The following RPTOR variants were observed in gnomAD, a reference collection of about 807,000 sequenced individuals.
RPTOR encodes regulatory-associated protein of mTOR.
In RPTOR, 21 loss-of-function variants were observed where a neutral mutation model predicts 169.9. The ratio of observed to expected loss-of-function variants is 0.12; its 90% CI spans 0.09 to 0.18. RPTOR has a LOEUF of 0.18. Ranked by LOEUF, RPTOR falls within the 10% of genes least tolerant of loss-of-function variation. The pLI is 1.00. For synonymous variants in RPTOR, 732 were observed against 753.2 expected (o/e 0.97, Z 0.46); for missense variants, 1,133 against 1,855.9 (o/e 0.61, Z 7.16).
rs549490954 is a variant in RPTOR at position 80,945,388 on chromosome 17, C to G, written c.3026-279C>G. Among the ~76,000 whole-genome samples the G allele has an allele frequency of 2.6e-5, 4 of 152,162 alleles. No homozygotes were observed. The East Asian group carries it at 5.8e-4, about 22-fold the overall frequency. On this transcript the variant is annotated intron_variant, in intron 25 of 33. Transcript: ENST00000306801. ...CGGGCAGATCACAAGGTCAGGAGAT[C>G]AAGACCATCCTGTCTAACACGGTGA...
chr17:80,828,255 C>T (rs1170277068), intron 9 of RPTOR, among the ~76,000 whole-genome samples: 2 of 151,920 alleles, frequency 1.3e-5, no homozygotes, highest in African/African-American at 4.8e-5. Context: ...TGTAGTCATG[C>T]TCCTGGGAGC....
rs184278196 is a variant in RPTOR at position 80,633,352 on chromosome 17, T to A, written c.265+7559T>A. Among the ~76,000 whole-genome samples, 5 of 152,338 alleles carry A rather than the reference T, an allele frequency of 3.3e-5. No homozygotes were observed. The highest frequency in any genetic ancestry group is 5.9e-5 in the Non-Finnish European group (4 of 68,034). ...CAGGTTTGCCAGTGTCCCAGGAATG[T>A]CCTTTGTAGCGCCAGGATCCTGCTC... On this transcript the variant is annotated intron_variant, in intron 2 of 33. Transcript: ENST00000306801. The surrounding 1 kb of genome is among the most constrained non-coding windows in gnomAD (Gnocchi z 4.1).
chr17:80,930,135 C>CCTCAGCTCATCCCCAG (rs1467610575), intron 24 of RPTOR, among the ~76,000 whole-genome samples: 5 of 116,800 alleles, frequency 4.3e-5, no homozygotes, highest in Admixed American at 8.6e-5. Context: ...CCCAGCTGCT[C>CCTCAGCTCATCCCCAG]CTCAGCTCAT....
At chr17:80,660,042 G>A (rs2143644680) in intron 3 of RPTOR, among the ~76,000 whole-genome samples, 1 of 152,220 alleles carries the variant, frequency 6.6e-6, no homozygotes, top group Admixed American at 6.5e-5. Flanking sequence ...AAGCCGAGGT[G>A]GGCGGATCAT....
chr17:80,945,160 C>G (rs1481124332), intron 25 of RPTOR, among the ~76,000 whole-genome samples: 1 of 151,598 alleles, frequency 6.6e-6, no homozygotes, highest in Non-Finnish European at 1.5e-5. Context: ...CCAGGTGTGG[C>G]GGTGCGCGCC....
chr17:80,742,003 CG>C, intron 5 of RPTOR, among the ~76,000 whole-genome samples: 1 of 152,178 alleles, frequency 6.6e-6, no homozygotes, highest in African/African-American at 2.4e-5. Context: ...TGCTGTTGAG[CG>C]GCTCACACGA....
intron 6 of RPTOR, among the ~76,000 whole-genome samples, chr17:80,779,421 C>A (rs777923828): frequency 2.0e-5 from 3 of 152,204 alleles, no homozygotes; most frequent in Non-Finnish European, 4.4e-5. Flanking sequence ...GACTTGCAGT[C>A]GGCGAGGAAC....
chr17:80,770,502 G>A (rs1243120478), intron 6 of RPTOR, among the ~76,000 whole-genome samples: 1 of 152,214 alleles, frequency 6.6e-6, no homozygotes, highest in South Asian at 2.1e-4. Context: ...GCAGCTCACT[G>A]TGTGGGTGAG....
chr17:80,688,857 G>A (rs570270018), intron 3 of RPTOR, among the ~76,000 whole-genome samples: 1 of 152,370 alleles, frequency 6.6e-6, no homozygotes, highest in South Asian at 2.1e-4. Context: ...GGCGCATGTT[G>A]GAACACAGAC....
At chr17:80,841,201 C>T (rs1460911737) in intron 10 of RPTOR, among the ~76,000 whole-genome samples, 1 of 120,040 alleles carries the variant, frequency 8.3e-6, no homozygotes, top group African/African-American at 3.7e-5. Context: ...CACCGCACGG[C>T]AGCTCACTCT....
intron 3 of RPTOR, among the ~76,000 whole-genome samples, chr17:80,660,151 A>G (rs1481518824): frequency 6.6e-6 from 1 of 151,756 alleles, no homozygotes; most frequent in Non-Finnish European, 1.5e-5. Flanking sequence ...GGCGCCTGTA[A>G]TCCCAGTTAC....
At chr17:80,807,552 A>G (rs1259957488) in intron 7 of RPTOR, among the ~76,000 whole-genome samples, 2 of 152,128 alleles carry the variant, frequency 1.3e-5, no homozygotes, top group African/African-American at 2.4e-5. Flanking sequence ...GGGTTTCACC[A>G]TGTTGGCCAG....
chr17:80,934,966 C>T (rs977499784), intron 24 of RPTOR, among the ~76,000 whole-genome samples: 2 of 150,856 alleles, frequency 1.3e-5, no homozygotes, highest in Admixed American at 1.3e-4. Flanking sequence ...CAAGGAGGAT[C>T]GCTTGAGTCC....
At chr17:80,763,394 G>A (rs1434063865) in intron 6 of RPTOR, among the ~76,000 whole-genome samples, 1 of 152,192 alleles carries the variant, frequency 6.6e-6, no homozygotes. Context: ...ATTATTGAGA[G>A]GGGCAAAGAA....
At chr17:80,918,459 GCACCCT>G (rs1261742212) in intron 21 of RPTOR, among the ~76,000 whole-genome samples, 2 of 139,070 alleles carry the variant, frequency 1.4e-5, no homozygotes, top group East Asian at 4.0e-4. Flanking sequence ...ATAGCCACGA[GCACCCT>G]CGCCGGAGTC....
intron 27 of RPTOR, chr17:80,948,591 G>C (rs1449108228): frequency 6.6e-6 from 1 of 152,576 alleles, no homozygotes. Flanking sequence ...GACAGCAGTA[G>C]AAGGGCTCCA....
chr17:80,741,207 A>G (rs1025751410), intron 5 of RPTOR, among the ~76,000 whole-genome samples: 7 of 152,204 alleles, frequency 4.6e-5, no homozygotes, highest in African/African-American at 1.7e-4. Context: ...CTTGGCCCAC[A>G]CTGGGCACTC....
intron 1 of RPTOR, among the ~76,000 whole-genome samples, chr17:80,561,391 G>C (rs931286695): frequency 5.6e-4 from 85 of 151,702 alleles, no homozygotes; most frequent in African/African-American, 1.8e-3. Flanking sequence ...TTATAGGCAT[G>C]AGCCACGCAC....
Position 80,707,716 on chromosome 17 carries a change from A to C in RPTOR, c.349-125A>C, listed in dbSNP as rs1408198027. The C allele has an allele frequency of 1.1e-6, 1 of 871,708 alleles. No individual in the cohort carries two copies. Among genetic ancestry groups the C allele is most frequent in the Non-Finnish European group, 1.7e-6 (1 of 595,892 alleles). 54.0% of individuals were successfully genotyped at this position (871,708 alleles called of 1,614,324 possible). On this transcript the variant is annotated intron_variant, in intron 3 of 33. Coordinates refer to ENST00000306801, the MANE Select transcript of RPTOR (RefSeq NM_020761.3). The surrounding 1 kb of genome is among the most constrained non-coding windows in gnomAD (Gnocchi z 5.0). ...ATTACCTGGTTTTATAGATGGAGAA[A>C]CTCAGAGCCATGTGTCCAGGACCAC...
Sources: gnomAD v4.1 joint callset for allele counts (sites outside exome capture counted in the v4.1 genomes callset) on GRCh38, gnomAD v4.1.1 for gene constraint, Gnocchi (gnomAD v3.1) non-coding constraint, MANE v1.5 for transcripts, NCBI Gene and HGNC (gene_info 2026-07-23, HGNC 2026-07-21) for gene names.